Variants in ADGRL3 observed in about 807,000 individuals in gnomAD.
The protein encoded by ADGRL3 is calcium-independent alpha-latrotoxin receptor 3.
In ADGRL3, 62 loss-of-function variants were observed where a neutral mutation model predicts 153.5. That is an observed-to-expected ratio of 0.40 (90% CI 0.33 to 0.50). ADGRL3 has a LOEUF of 0.50. Ranked by LOEUF, ADGRL3 falls within the 20% of genes least tolerant of loss-of-function variation. The probability of loss-of-function intolerance (pLI) is 0.47; values close to 1 mark genes in which losing one functional copy is unlikely to be tolerated. For missense variants in ADGRL3, 1,641 were observed against 1,859.4 expected, an observed-to-expected ratio of 0.88 and a Z score of 2.16; for synonymous variants, 710 against 672.5, an observed-to-expected ratio of 1.06 and a Z score of -0.86.
chr4:62,007,383 T>TATATATATATATATATATACAC (rs71213024), intron 21 of ADGRL3, among the ~76,000 whole-genome samples: 19 of 30,736 alleles, frequency 6.2e-4, no homozygotes, highest in Non-Finnish European at 9.7e-4. Context: ...TATATATATA[T>TATATATATATATATATATACAC]ACACACACAC....
chr4:61,409,410 T>G (rs1383140168), intron 2 of ADGRL3, among the ~76,000 whole-genome samples: 1 of 144,390 alleles, frequency 6.9e-6, no homozygotes, highest in East Asian at 2.0e-4. Context: ...ACATAATATA[T>G]ATATATATAT....
chr4:61,876,949 G>A (rs377120807), intron 9 of ADGRL3, among the ~76,000 whole-genome samples: 16 of 148,258 alleles, frequency 1.1e-4, no homozygotes, highest in African/African-American at 4.0e-4. Flanking sequence ...CCACATCATT[G>A]AAGATGAGAA....
intron 5 of ADGRL3, among the ~76,000 whole-genome samples, chr4:61,615,075 G>T (rs1407831967): frequency 1.3e-5 from 2 of 152,020 alleles, no homozygotes; most frequent in Non-Finnish European, 2.9e-5. Flanking sequence ...ACTTTTAAAA[G>T]AACCCTTTAT....
chr4:61,206,867 A>G (rs1229289504), intron 1 of ADGRL3, among the ~76,000 whole-genome samples: 1 of 151,990 alleles, frequency 6.6e-6, no homozygotes, highest in Non-Finnish European at 1.5e-5. Context: ...CTGTAGTCCC[A>G]GCTATTCGGG....
intron 1 of ADGRL3, among the ~76,000 whole-genome samples, chr4:61,308,846 G>C (rs2094898189): frequency 6.6e-6 from 1 of 152,136 alleles, no homozygotes; most frequent in African/African-American, 2.4e-5. Context: ...AAAGAAGAAA[G>C]TGCACAATCA....
intron 1 of ADGRL3, among the ~76,000 whole-genome samples, chr4:61,270,540 T>G (rs576202111): frequency 1.3e-4 from 20 of 151,828 alleles, no homozygotes; most frequent in Non-Finnish European, 2.7e-4. Flanking sequence ...CTAATCATAT[T>G]AGGAGAGTGG....
chr4:61,793,200 G>A (rs2097365545), intron 8 of ADGRL3, among the ~76,000 whole-genome samples: 1 of 152,044 alleles, frequency 6.6e-6, no homozygotes, highest in Admixed American at 6.5e-5. Flanking sequence ...CGAGGCAGGT[G>A]GATCATGAGG....
chr4:61,259,900 ATTACT>A (rs1016274024), intron 1 of ADGRL3, among the ~76,000 whole-genome samples: 1 of 152,130 alleles, frequency 6.6e-6, no homozygotes, highest in Non-Finnish European at 1.5e-5. Context: ...TTCAAAAATC[ATTACT>A]TTATGATTCA....
chr4:61,370,943 G>C (rs1447081049), intron 1 of ADGRL3, among the ~76,000 whole-genome samples: 1 of 150,228 alleles, frequency 6.7e-6, no homozygotes, highest in African/African-American at 2.4e-5. Flanking sequence ...ATTTAGGATA[G>C]TTAGCTCTTC....
intron 9 of ADGRL3, among the ~76,000 whole-genome samples, chr4:61,878,021 G>A (rs1011135431): frequency 2.0e-5 from 3 of 152,082 alleles, no homozygotes; most frequent in African/African-American, 7.2e-5. Flanking sequence ...CGCCATGATT[G>A]TAAGTTCGCT....
chr4:61,862,112 A>G (rs1302046791), intron 9 of ADGRL3, among the ~76,000 whole-genome samples: 5 of 152,218 alleles, frequency 3.3e-5, no homozygotes, highest in Admixed American at 3.3e-4. Flanking sequence ...GAATTAGACT[A>G]TCCCTTTTCA....
chr4:61,789,293 G>A (rs2097313206), intron 8 of ADGRL3, among the ~76,000 whole-genome samples: 1 of 152,026 alleles, frequency 6.6e-6, no homozygotes, highest in Admixed American at 6.6e-5. Flanking sequence ...GTGTGTGTGT[G>A]TGTGTACACA....
chr4:61,915,331 T>C (rs1456297306), intron 13 of ADGRL3, among the ~76,000 whole-genome samples: 1 of 149,372 alleles, frequency 6.7e-6, no homozygotes, highest in East Asian at 1.9e-4. Context: ...TATATATCTA[T>C]ATATGACCTA....
intron 6 of ADGRL3, among the ~76,000 whole-genome samples, chr4:61,700,847 G>A (rs978801818): frequency 3.0e-4 from 46 of 152,224 alleles, no homozygotes; most frequent in African/African-American, 1.1e-3. Flanking sequence ...TCAAGAATGA[G>A]CTAGGGAGAG....
chr4:61,924,302 C>A (rs559161935), intron 13 of ADGRL3, among the ~76,000 whole-genome samples: 1 of 152,134 alleles, frequency 6.6e-6, no homozygotes, highest in East Asian at 1.9e-4. Flanking sequence ...CTCTTCTCCT[C>A]AAACCCTTAA....
intron 1 of ADGRL3, among the ~76,000 whole-genome samples, chr4:61,295,594 T>A (rs933950656): frequency 6.6e-6 from 1 of 152,056 alleles, no homozygotes; most frequent in Non-Finnish European, 1.5e-5. Flanking sequence ...TAGTTAAATA[T>A]ATTTTCATAC....
At chr4:61,524,852 G>A (rs1422579569) in intron 4 of ADGRL3, among the ~76,000 whole-genome samples, 2 of 152,042 alleles carry the variant, frequency 1.3e-5, no homozygotes, top group Non-Finnish European at 2.9e-5. Flanking sequence ...TAATATAGCT[G>A]TATGGATTGG....
intron 1 of ADGRL3, among the ~76,000 whole-genome samples, chr4:61,355,549 A>G (rs2096147705): frequency 6.6e-6 from 1 of 152,090 alleles, no homozygotes; most frequent in African/African-American, 2.4e-5. Context: ...CACTTTACCT[A>G]TCTTTCTAAA....
chr4:61,885,029 C>A (rs1248895893), intron 9 of ADGRL3, among the ~76,000 whole-genome samples: 2 of 151,840 alleles, frequency 1.3e-5, no homozygotes, highest in Admixed American at 6.5e-5. Context: ...ATAATCCCAG[C>A]ACTTTGGGAG....
Sources: allele counts gnomAD v4.1 joint callset (sites outside exome capture counted in the v4.1 genomes callset), GRCh38; gene constraint gnomAD v4.1.1; transcripts MANE v1.5; gene names NCBI Gene and HGNC (gene_info 2026-07-23, HGNC 2026-07-21).